Variants in ADAMTSL1 observed in about 807,000 individuals in gnomAD.
ADAMTSL1 encodes the protein ADAMTS-like protein 1.
ADAMTSL1 carries 126 observed loss-of-function variants against 201.8 expected under a neutral mutation model. The ratio of observed to expected loss-of-function variants is 0.62; its 90% CI spans 0.54 to 0.72. The LOEUF (loss-of-function observed/expected upper bound fraction) is 0.72, where lower values mean the gene tolerates loss of function less well. ADAMTSL1 is among the 30% of genes least tolerant of loss of function. The probability of loss-of-function intolerance (pLI) is 0.00; values close to 1 mark genes in which losing one functional copy is unlikely to be tolerated. For missense variants in ADAMTSL1, 2,679 were observed against 2,277.8 expected, an observed-to-expected ratio of 1.18 and a Z score of -3.59; for synonymous variants, 1,121 against 903.4, an observed-to-expected ratio of 1.24 and a Z score of -4.32.
Position 18,684,770 on chromosome 9 carries a change from A to G in ADAMTSL1, c.1544A>G (p.Glu515Gly). 1 of 1,612,812 alleles carries G rather than the reference A, an allele frequency of 6.2e-7. No individual in the cohort carries two copies. Among genetic ancestry groups the G allele is most frequent in the Non-Finnish European group, 8.5e-7 (1 of 1,179,574 alleles). ...TGGTTCAAACAAGCTCAAGAGCTAG[A>G]AGAAGGAGCTGCTGTGTCAGAGGAG... ...LPWFKQAQEL[E>G]EGAAVSEEPS... The change falls in exon 13 of 29, where the codon GAA becomes GGA. Residue 515 changes from glutamate to glycine, a missense_variant. Physicochemically the swap from Glu to Gly is moderately conservative, Grantham distance 98. Coordinates refer to ENST00000380548, the MANE Select transcript of ADAMTSL1 (RefSeq NM_001040272.6).
intron 13 of ADAMTSL1, among the ~76,000 whole-genome samples, chr9:18,686,843 C>T (rs902431334): frequency 8.5e-5 from 13 of 152,146 alleles, no homozygotes; most frequent in Non-Finnish European, 1.5e-4. Flanking sequence ...CATAGACCAT[C>T]GTCAACCATA....
At chr9:18,768,959 G>A (rs959383375) in intron 16 of ADAMTSL1, among the ~76,000 whole-genome samples, 9 of 152,104 alleles carry the variant, frequency 5.9e-5, no homozygotes, top group African/African-American at 1.4e-4. Flanking sequence ...AGATTATACC[G>A]ATATCTTTCT....
chr9:18,696,357 AAAG>A (rs1444927962), intron 13 of ADAMTSL1, among the ~76,000 whole-genome samples: 5 of 152,212 alleles, frequency 3.3e-5, no homozygotes, highest in Non-Finnish European at 5.9e-5. Context: ...GAAGGAAGTA[AAAG>A]AAGATTAGTG....
intron 2 of ADAMTSL1, among the ~76,000 whole-genome samples, chr9:18,290,326 G>C (rs1833200220): frequency 6.6e-6 from 1 of 151,332 alleles, no homozygotes; most frequent in Non-Finnish European, 1.5e-5. Flanking sequence ...GAAATTGGCA[G>C]GAGCAAGATG....
At chr9:18,688,677 A>ATATATATATATAT (rs1315534867) in intron 13 of ADAMTSL1, among the ~76,000 whole-genome samples, 1 of 29,074 alleles carries the variant, frequency 3.4e-5, no homozygotes, top group African/African-American at 1.0e-4. Context: ...AAAAAAAAAA[A>ATATATATATATAT]AAAAAAAAAA....
intron 4 of ADAMTSL1, among the ~76,000 whole-genome samples, chr9:18,601,292 T>C (rs10810993): frequency 2.0e-5 from 3 of 152,132 alleles, no homozygotes; most frequent in Admixed American, 6.5e-5. Flanking sequence ...ACATCAACTA[T>C]GTATTTAGCA....
At chr9:17,945,566 C>G (rs1414887264) in intron 1 of ADAMTSL1, among the ~76,000 whole-genome samples, 1 of 151,942 alleles carries the variant, frequency 6.6e-6, no homozygotes, top group Non-Finnish European at 1.5e-5. Context: ...GGAACCAACC[C>G]AAATGTCCAA....
chr9:17,947,383 ATT>A (rs1326063415), intron 1 of ADAMTSL1, among the ~76,000 whole-genome samples: 4 of 151,384 alleles, frequency 2.6e-5, no homozygotes, highest in Non-Finnish European at 5.9e-5. Flanking sequence ...AACTATAGCT[ATT>A]TTGATTAGTA....
intron 2 of ADAMTSL1, among the ~76,000 whole-genome samples, chr9:18,434,711 T>C (rs1464471723): frequency 6.6e-6 from 1 of 152,166 alleles, no homozygotes; most frequent in African/African-American, 2.4e-5. Context: ...CACCCTGAAT[T>C]GAAACACTCA....
chr9:18,709,842 T>C (rs1232669488), intron 14 of ADAMTSL1, among the ~76,000 whole-genome samples: 1 of 152,204 alleles, frequency 6.6e-6, no homozygotes, highest in Non-Finnish European at 1.5e-5. Flanking sequence ...ATACTTGACA[T>C]TGACTTCAGC....
intron 2 of ADAMTSL1, among the ~76,000 whole-genome samples, chr9:18,411,496 G>T (rs557639896): frequency 1.3e-5 from 2 of 152,226 alleles, no homozygotes; most frequent in East Asian, 3.9e-4. Context: ...GCCATACCTG[G>T]CCTGATGGGT....
intron 26 of ADAMTSL1, among the ~76,000 whole-genome samples, chr9:18,894,297 T>C (rs1829474914): frequency 6.7e-6 from 1 of 150,334 alleles, no homozygotes. Context: ...CGAGCTGTGA[T>C]CATACCACTT....
chr9:18,500,945 A>G (rs986287857), intron 1 of ADAMTSL1, among the ~76,000 whole-genome samples: 84 of 152,296 alleles, frequency 5.5e-4, no homozygotes, highest in African/African-American at 1.9e-3. Flanking sequence ...TAATCTTTTG[A>G]TCACTATGTT....
intron 1 of ADAMTSL1, among the ~76,000 whole-genome samples, chr9:18,066,045 C>T (rs1204549456): frequency 6.7e-6 from 1 of 148,700 alleles, no homozygotes; most frequent in Non-Finnish European, 1.5e-5. Context: ...CCAGTTCTCC[C>T]TTATTTAATC....
chr9:18,696,607 G>A (rs2133276271), intron 13 of ADAMTSL1, among the ~76,000 whole-genome samples: 1 of 152,216 alleles, frequency 6.6e-6, no homozygotes, highest in Non-Finnish European at 1.5e-5. Flanking sequence ...GCAGAAAGAC[G>A]ATGTTATCTT....
chr9:18,571,758 G>A (rs1033414650), intron 3 of ADAMTSL1, among the ~76,000 whole-genome samples: 39 of 152,170 alleles, frequency 2.6e-4, no homozygotes, highest in African/African-American at 8.2e-4. Flanking sequence ...AGTAAGTGAG[G>A]CCTAGGCAGA....
rs193008166 is a variant in ADAMTSL1 at position 18,699,535 on chromosome 9, G to A, written c.1575-7212G>A. Among the ~76,000 whole-genome samples, 8 of 151,974 alleles carry A rather than the reference G, an allele frequency of 5.3e-5. No individual in the cohort carries two copies. The South Asian group carries it at 1.2e-3, about 24-fold the overall frequency. On this transcript the variant is annotated intron_variant, in intron 13 of 28. Coordinates refer to ENST00000380548, the MANE Select transcript of ADAMTSL1 (RefSeq NM_001040272.6). ...GGTAGACATGGGGTCTTGCTATATT[G>A]CCCAGGCTGGTCTCAAACTCTTGGC...
intron 9 of ADAMTSL1, among the ~76,000 whole-genome samples, chr9:18,667,526 G>T (rs1829525060): frequency 1.3e-5 from 2 of 152,048 alleles, no homozygotes; most frequent in Non-Finnish European, 2.9e-5. Context: ...TTCCCACTAA[G>T]CCTCAGATTT....
In ADAMTSL1 at chr9:18,388,019, A is replaced by G. The variant is rs1205454838; in HGVS notation, c.208-116810A>G. Among the ~76,000 whole-genome samples, 4 of 147,174 alleles carry G rather than the reference A, an allele frequency of 2.7e-5. No individual in the cohort carries two copies. The East Asian group carries it at 7.7e-4, about 28-fold the overall frequency. On this transcript the variant is annotated intron_variant, in intron 2 of 29. Transcript: ENST00000680146. ...GAATTTATATCTTTTTTCATACGTAATGTTCTTATTTATGCCTATTAATGC... is the reference window on the plus strand; with the variant it reads ...GAATTTATATCTTTTTTCATACGTAGTGTTCTTATTTATGCCTATTAATGC...
Sources: allele counts gnomAD v4.1 joint callset (sites outside exome capture counted in the v4.1 genomes callset), GRCh38; gene constraint gnomAD v4.1.1; transcripts MANE v1.5; gene names NCBI Gene and HGNC (gene_info 2026-07-23, HGNC 2026-07-21).